TARBP1: variants seen among roughly 807,000 people sequenced by gnomAD.
TARBP1 encodes the protein tRNA guanosine 2 -O-methyltransferase TARBP1.
TARBP1 carries 144 observed loss-of-function variants against 178.6 expected under a neutral mutation model. That is an observed-to-expected ratio of 0.81 (90% CI 0.70 to 0.93). The LOEUF (loss-of-function observed/expected upper bound fraction) is 0.93. TARBP1 is among the 40% of genes least tolerant of loss of function. The pLI is 0.00. For missense variants in TARBP1, 2,067 were observed against 2,011.7 expected, an observed-to-expected ratio of 1.03 and a Z score of -0.53; for synonymous variants, 787 against 781.0, an observed-to-expected ratio of 1.01 and a Z score of -0.13.
At chr1:234,441,788 T>G (rs1665622434) in intron 12 of TARBP1, among the ~76,000 whole-genome samples, 1 of 152,206 alleles carries the variant, frequency 6.6e-6, no homozygotes, top group South Asian at 2.1e-4. Context: ...GACATTTCAT[T>G]TAAATGAGAT....
chr1:234,400,806 T>G (rs1336350126), intron 25 of TARBP1: 1 of 158,044 alleles, frequency 6.3e-6, no homozygotes, highest in Non-Finnish European at 1.4e-5. Flanking sequence ...AAAGTATATC[T>G]TTTTGTTCTT....
At position 234,479,109 on chromosome 1, in the gene TARBP1, G is replaced by C; in HGVS notation, c.-6C>G. On this transcript the variant is annotated 5_prime_UTR_variant, in exon 1 of 30. Transcript: ENST00000040877. ...TCCGCGAGCACCCACTCCATTTGCC[G>C]AGCGCCCGCGCCACCGGCCCGGGCT... is the stretch of plus-strand genomic sequence containing the variant. The C allele has an allele frequency of 6.6e-7, 1 of 1,526,646 alleles. No individual in the cohort carries two copies. Among genetic ancestry groups the C allele is most frequent in the Non-Finnish European group, 8.7e-7 (1 of 1,150,764 alleles). 94.6% of individuals were successfully genotyped at this position (1,526,646 alleles called of 1,614,324 possible).
chr1:234,406,360 C>G (rs1055416363), intron 23 of TARBP1: 17 of 446,288 alleles, frequency 3.8e-5, no homozygotes, highest in African/African-American at 3.3e-4. Context: ...CCCCCATACT[C>G]TAGTACCTGA....
At chr1:234,419,389 T>A (rs1662832322) in intron 21 of TARBP1, among the ~76,000 whole-genome samples, 1 of 152,126 alleles carries the variant, frequency 6.6e-6, no homozygotes, top group South Asian at 2.1e-4. Context: ...CATTCACCAC[T>A]AGCTGTGTAA....
intron 12 of TARBP1, among the ~76,000 whole-genome samples, chr1:234,442,206 C>A (rs993228289): frequency 3.9e-5 from 6 of 152,192 alleles, no homozygotes; most frequent in African/African-American, 1.4e-4. Flanking sequence ...GTAATACCTA[C>A]TGCACGATCC....
chr1:234,420,194 C>A (rs1271275736), intron 21 of TARBP1, among the ~76,000 whole-genome samples: 1 of 152,142 alleles, frequency 6.6e-6, no homozygotes, highest in Admixed American at 6.5e-5. Flanking sequence ...GATAAAGATA[C>A]TTTGTTGTAA....
chr1:234,446,513 T>A (rs1012081687), intron 12 of TARBP1, among the ~76,000 whole-genome samples: 10 of 151,862 alleles, frequency 6.6e-5, no homozygotes. Context: ...GCAAATGAAA[T>A]TACATTATAG....
intron 3 of TARBP1, among the ~76,000 whole-genome samples, chr1:234,469,661 A>C (rs1379907839): frequency 6.6e-6 from 1 of 152,248 alleles, no homozygotes; most frequent in African/African-American, 2.4e-5. Context: ...CTCATGTGTA[A>C]ACACAATAAT....
intron 2 of TARBP1, among the ~76,000 whole-genome samples, chr1:234,472,329 CAAAAAAAAAAAAAAAAA>C (rs1160411119): frequency 2.2e-5 from 1 of 46,082 alleles, no homozygotes; most frequent in African/African-American, 7.3e-5. Flanking sequence ...ACTCTGTCTC[CAAAAAAAAAAAAAAAAA>C]AAAAAAAAAA....
At chr1:234,403,319 G>C (rs948633793) in intron 24 of TARBP1, among the ~76,000 whole-genome samples, 1 of 152,092 alleles carries the variant, frequency 6.6e-6, no homozygotes, top group African/African-American at 2.4e-5. Flanking sequence ...CTTTCCTTCA[G>C]TCTTCATTGA....
intron 6 of TARBP1, among the ~76,000 whole-genome samples, chr1:234,461,466 C>T (rs1364051275): frequency 1.3e-5 from 2 of 152,126 alleles, no homozygotes; most frequent in Non-Finnish European, 2.9e-5. Flanking sequence ...TGCCACCACA[C>T]CCGGCTAATT....
intron 9 of TARBP1, 66 bp downstream of exon 9, chr1:234,457,601 G>A (rs967754087): frequency 3.7e-5 from 41 of 1,095,644 alleles, no homozygotes; most frequent in Middle Eastern, 2.6e-4. Context: ...TGGCTACTAA[G>A]AAATTCATTA....
chr1:234,430,436 A>G (rs1468518989), intron 14 of TARBP1, 135 bp from the exon 15 acceptor site: 1 of 730,212 alleles, frequency 1.4e-6, no homozygotes, highest in African/African-American at 1.8e-5. Context: ...CAGGAGAAAT[A>G]AAAGGAAATC....
Position 234,478,439 on chromosome 1 carries a change from C to G in TARBP1, c.665G>C (p.Gly222Ala). ...CAGCTTCTCCTCTACGCGGCCGGAC[C>G]CCAGGGACGCCCCAGGCGCGGCCAG... ...GGLAAPGASL[G>A]SGRVEEKLLV... is the part of the protein sequence containing the mutation. The change falls in exon 1 of 30, where the codon GGG (glycine) becomes GCG (alanine). Residue 222 changes from glycine (G) to alanine (A), a missense_variant. Gly to Ala is a moderately conservative substitution (Grantham distance 60). Coordinates refer to ENST00000040877, the MANE Select transcript of TARBP1 (RefSeq NM_005646.4). 1 of 1,389,434 alleles carries G rather than the reference C, an allele frequency of 7.2e-7. No individual in the cohort carries two copies. The highest frequency in any genetic ancestry group is 9.4e-7 in the Non-Finnish European group (1 of 1,067,714). 86.1% of individuals were successfully genotyped at this position (1,389,434 alleles called of 1,614,324 possible). A position where few individuals can be genotyped will look rare whatever the true frequency, so the allele number is the denominator to read the frequency against.
chr1:234,451,343 GTCTT>G (rs977711342), intron 9 of TARBP1, among the ~76,000 whole-genome samples: 38 of 152,300 alleles, frequency 2.5e-4, no homozygotes, highest in African/African-American at 8.2e-4. Context: ...TATGAAATGA[GTCTT>G]TCTAAAAAGT....
At position 234,401,200 on chromosome 1, in the gene TARBP1, A is replaced by G. The variant is rs1660640937; in HGVS notation, c.4052T>C (p.Leu1351Pro). The G allele has an allele frequency of 6.2e-7, 1 of 1,613,060 alleles. No homozygotes were observed. Among genetic ancestry groups the G allele is most frequent in the South Asian group, 1.1e-5 (1 of 90,996 alleles). ...ACTCACCTCTAGACAATAATCCTTGAGTGGGTGAAATGTTGCAAAAAAGAA... is the reference window on the plus strand; with the variant it reads ...ACTCACCTCTAGACAATAATCCTTGGGTGGGTGAAATGTTGCAAAAAAGAA... The part of the protein sequence containing the change: ...EHFFFATFHP[L>P]KDYCLETIFY... The change falls in exon 25 of 30, where the codon CTC becomes CCC. Residue 1351 changes from leucine (L) to proline (P), a missense_variant. Physicochemically the swap from Leu to Pro is moderately conservative, Grantham distance 98 (BLOSUM62 -3). Transcript: ENST00000040877.
intron 1 of TARBP1, among the ~76,000 whole-genome samples, chr1:234,474,245 AACACACAC>A (rs35976593): frequency 6.5e-4 from 53 of 81,588 alleles, no homozygotes; most frequent in South Asian, 1.4e-3. Context: ...TTGTCTCTAA[AACACACAC>A]ACACACACAC....
intron 12 of TARBP1, among the ~76,000 whole-genome samples, chr1:234,441,523 AAATT>A (rs1335994681): frequency 1.3e-5 from 2 of 152,238 alleles, no homozygotes; most frequent in African/African-American, 2.4e-5. Flanking sequence ...AAATACAGCC[AAATT>A]AATTATTTGT....
intron 1 of TARBP1, among the ~76,000 whole-genome samples, chr1:234,473,869 T>C (rs1002101437): frequency 3.9e-5 from 6 of 152,074 alleles, no homozygotes; most frequent in African/African-American, 1.4e-4. Context: ...ATTACACAGG[T>C]AGAAGAAAAC....
Sources: allele counts gnomAD v4.1 joint callset (sites outside exome capture counted in the v4.1 genomes callset), GRCh38; gene constraint gnomAD v4.1.1; transcripts MANE v1.5; gene names NCBI Gene and HGNC (gene_info 2026-07-23, HGNC 2026-07-21).